Variants in SWT1 observed in about 807,000 individuals in gnomAD.
SWT1 encodes transcriptional protein SWT1.
SWT1 carries 33 observed loss-of-function variants against 107.3 expected under a neutral mutation model. The observed-to-expected ratio is 0.31, with a 90% CI of 0.23 to 0.41. The LOEUF (loss-of-function observed/expected upper bound fraction) is 0.41. Ranked by LOEUF, SWT1 falls within the 10% of genes least tolerant of loss-of-function variation. The probability of loss-of-function intolerance (pLI) is 1.00; values close to 1 mark genes in which losing one functional copy is unlikely to be tolerated. For synonymous variants in SWT1, 345 were observed against 348.3 expected, an observed-to-expected ratio of 0.99 and a Z score of 0.11; for missense variants, 898 against 1,028.9, an observed-to-expected ratio of 0.87 and a Z score of 1.74.
At chr1:185,210,679 A>G (rs1205045601) in intron 13 of SWT1, among the ~76,000 whole-genome samples, 1 of 152,162 alleles carries the variant, frequency 6.6e-6, no homozygotes, top group African/African-American at 2.4e-5. Flanking sequence ...TGAACATAGT[A>G]TTGGAAGTTC....
Position 185,193,214 on chromosome 1 carries a change from T to G in SWT1, c.1523+2572T>G, listed in dbSNP as rs1657105451. On this transcript the variant is annotated intron_variant, in intron 10 of 18. Coordinates refer to ENST00000367500, the MANE Select transcript of SWT1 (RefSeq NM_017673.7). ...AAAATTTTCAGATACTTGTTTTGTT[T>G]TTTTTACTGAATTGTAGTTTAATTT... Among the ~76,000 whole-genome samples the G allele has an allele frequency of 1.3e-5, 2 of 152,204 alleles. 1 individual carries two copies. The highest frequency in any genetic ancestry group is 1.3e-4 in the Admixed American group (2 of 15,276).
At chr1:185,225,629 A>C (rs547688770) in intron 15 of SWT1, among the ~76,000 whole-genome samples, 2 of 152,348 alleles carry the variant, frequency 1.3e-5, no homozygotes, top group Admixed American at 1.3e-4. Flanking sequence ...TATTCAGTAC[A>C]GTAATATCCT....
At chr1:185,187,603 A>G (rs1365282068) in intron 9 of SWT1, among the ~76,000 whole-genome samples, 2 of 152,196 alleles carry the variant, frequency 1.3e-5, no homozygotes, top group East Asian at 3.8e-4. Flanking sequence ...CTTAATAACT[A>G]TGATTTATAT....
intron 7 of SWT1, among the ~76,000 whole-genome samples, chr1:185,182,914 T>TC (rs1656148877): frequency 6.6e-6 from 1 of 152,022 alleles, no homozygotes. Flanking sequence ...GGAGGGTGGA[T>TC]CACCTGGGGT....
intron 2 of SWT1, among the ~76,000 whole-genome samples, chr1:185,162,537 C>T (rs992196591): frequency 2.0e-5 from 3 of 152,124 alleles, no homozygotes; most frequent in Admixed American, 1.3e-4. Context: ...ACCCAGGCTT[C>T]GTTTTCCCAA....
At chr1:185,190,449 T>A in intron 9 of SWT1, 100 bp from the exon 10 acceptor site, 1 of 678,786 alleles carries the variant, frequency 1.5e-6, no homozygotes, top group Non-Finnish European at 2.7e-6. Context: ...CTACCTTAAA[T>A]CTCTTAGATA....
chr1:185,281,008 C>T lies in SWT1; in HGVS notation c.2573+4340C>T, dbSNP rs1558101130. ...TTGATATGTCCAAGAGTTTTCAGTCCCTTTTTATGATGATGACTAAGTCCT... is the reference window on the plus strand; with the variant it reads ...TTGATATGTCCAAGAGTTTTCAGTCTCTTTTTATGATGATGACTAAGTCCT... On this transcript the variant is annotated intron_variant, in intron 18 of 18. Transcript: ENST00000367500. 4 of 344,258 alleles carry T rather than the reference C, an allele frequency of 1.2e-5. No homozygotes were observed. In the East Asian group the frequency reaches 2.5e-4, roughly 21 times the overall value. 21.3% of individuals were successfully genotyped at this position (344,258 alleles called of 1,614,324 possible).
rs534914736 is a variant in SWT1 at position 185,280,677 on chromosome 1, C to A, written c.2573+4009C>A. Among the ~76,000 whole-genome samples, 97 of 152,166 alleles carry A rather than the reference C, an allele frequency of 6.4e-4. 1 individual carries two copies. Among genetic ancestry groups the A allele is most frequent in the Non-Finnish European group, 1.3e-3 (89 of 68,018 alleles). ...AGGGGCTCCAGGTTGAGTTAATAAT[C>A]CATCATGCCTACAGGATGAAGCCTC... On this transcript the variant is annotated intron_variant, in intron 18 of 18. Transcript: ENST00000367500.
intron 9 of SWT1, among the ~76,000 whole-genome samples, chr1:185,186,847 C>A (rs976776594): frequency 1.4e-5 from 2 of 148,086 alleles, no homozygotes; most frequent in African/African-American, 5.0e-5. Context: ...CTCCACCTCC[C>A]GGGTTCAAGT....
intron 18 of SWT1, among the ~76,000 whole-genome samples, chr1:185,278,137 A>G (rs78259756): frequency 0.01 from 1,595 of 152,248 alleles, 41 homozygotes; most frequent in East Asian, 0.093. Context: ...CGCAAATCCA[A>G]TTCTTACATA....
chr1:185,261,101 C>G (rs1056274521), intron 16 of SWT1, among the ~76,000 whole-genome samples: 9 of 152,126 alleles, frequency 5.9e-5, no homozygotes, highest in African/African-American at 2.2e-4. Context: ...TCTTGTGCTG[C>G]TGTCACCACT....
At chr1:185,188,471 T>C (rs1179125655) in intron 9 of SWT1, among the ~76,000 whole-genome samples, 2 of 152,198 alleles carry the variant, frequency 1.3e-5, no homozygotes, top group Non-Finnish European at 2.9e-5. Flanking sequence ...TACTGTGATA[T>C]ATGTCTGTCT....
chr1:185,257,437 C>T (rs1398781534), intron 16 of SWT1, among the ~76,000 whole-genome samples: 10 of 152,074 alleles, frequency 6.6e-5, no homozygotes, highest in East Asian at 1.9e-4. Flanking sequence ...AGCGAGACTC[C>T]GTGGGCGTAG....
At chr1:185,203,004 A>G (rs530227846) in intron 11 of SWT1, among the ~76,000 whole-genome samples, 2 of 152,220 alleles carry the variant, frequency 1.3e-5, no homozygotes, top group Non-Finnish European at 2.9e-5. Flanking sequence ...TACCTTCTAT[A>G]TGTACTTTTA....
intron 16 of SWT1, among the ~76,000 whole-genome samples, chr1:185,265,688 A>G (rs1428461266): frequency 6.6e-6 from 1 of 152,178 alleles, no homozygotes; most frequent in Non-Finnish European, 1.5e-5. Flanking sequence ...TGGAGTTAAA[A>G]CAGTTGCTTT....
chr1:185,280,385 C>T (rs565032626), intron 18 of SWT1, among the ~76,000 whole-genome samples: 6 of 152,294 alleles, frequency 3.9e-5, no homozygotes, highest in South Asian at 4.1e-4. Context: ...TAATGACAGT[C>T]GCTGACTCTG....
intron 16 of SWT1, among the ~76,000 whole-genome samples, chr1:185,269,043 G>A (rs1304431681): frequency 6.6e-6 from 1 of 151,894 alleles, no homozygotes; most frequent in Non-Finnish European, 1.5e-5. Flanking sequence ...TAGTAGAGAC[G>A]GGGTTTCACC....
intron 16 of SWT1, among the ~76,000 whole-genome samples, chr1:185,262,066 C>G (rs74506023): frequency 6.6e-6 from 1 of 152,034 alleles, no homozygotes; most frequent in African/African-American, 2.4e-5. Context: ...TCCTTGTTAA[C>G]GAGAGTGATC....
intron 10 of SWT1, among the ~76,000 whole-genome samples, chr1:185,197,880 A>C (rs1188688054): frequency 6.6e-6 from 1 of 152,082 alleles, no homozygotes; most frequent in East Asian, 1.9e-4. Flanking sequence ...TGATCTTTCA[A>C]AAAACCAGCT....
Sources: allele counts gnomAD v4.1 joint callset (sites outside exome capture counted in the v4.1 genomes callset), GRCh38; gene constraint gnomAD v4.1.1; transcripts MANE v1.5; gene names NCBI Gene and HGNC (gene_info 2026-07-23, HGNC 2026-07-21).